Variants in ARHGAP32 observed in about 807,000 individuals in gnomAD.
ARHGAP32 encodes the protein Rho GTPase activating protein 32, also known as rho GTPase-activating protein 32.
In ARHGAP32, 51 loss-of-function variants were observed where a neutral mutation model predicts 186.5. The ratio of observed to expected loss-of-function variants is 0.27; its 90% CI spans 0.22 to 0.35. ARHGAP32 has a LOEUF of 0.35. Ranked by LOEUF, ARHGAP32 falls within the 10% of genes least tolerant of loss-of-function variation. ARHGAP32 has a pLI of 1.00. For missense variants in ARHGAP32, 2,186 were observed against 2,623.5 expected (o/e 0.83, Z 3.64); for synonymous variants, 950 against 964.3 (o/e 0.99, Z 0.27).
intron 10 of ARHGAP32, among the ~76,000 whole-genome samples, chr11:129,044,963 A>G (rs1315982282): frequency 6.6e-6 from 1 of 152,176 alleles, no homozygotes; most frequent in Non-Finnish European, 1.5e-5. Context: ...TCAGGGAACT[A>G]TATCACATAC....
intron 2 of ARHGAP32, among the ~76,000 whole-genome samples, chr11:129,163,304 T>A (rs1014915927): frequency 5.3e-5 from 8 of 152,156 alleles, no homozygotes; most frequent in African/African-American, 1.9e-4. Context: ...CACAGTTAAG[T>A]AAAATGTCCT....
At chr11:129,078,412 A>G (rs1174124528) in intron 6 of ARHGAP32, among the ~76,000 whole-genome samples, 1 of 152,190 alleles carries the variant, frequency 6.6e-6, no homozygotes, top group East Asian at 1.9e-4. Context: ...ACACCCCCAA[A>G]AGATCACGTC....
At position 128,971,135 on chromosome 11, in the gene ARHGAP32, C is replaced by G; in HGVS notation, c.4078G>C (p.Glu1360Gln). ...HKVQGVVPVPERPPEPRAMDD... is the reference protein window; with the variant it reads ...HKVQGVVPVPQRPPEPRAMDD... ...ATGGCTCGAGGTTCAGGTGGCCTCTCTGGAACTGGAACTACTCCTTGAACC... is the reference window on the plus strand; with the variant it reads ...ATGGCTCGAGGTTCAGGTGGCCTCTGTGGAACTGGAACTACTCCTTGAACC... Residue 1360 changes from glutamate to glutamine, a missense_variant, in exon 23 of 23, where the codon GAG becomes CAG. Physicochemically the swap from Glu to Gln is conservative, Grantham distance 29 (BLOSUM62 2). Around this residue, in one of 5 missense-constraint regions of ARHGAP32, gnomAD observed 1,502 missense variants for 1,570.0 expected, o/e 0.96. Transcript: ENST00000682385. The G allele has an allele frequency of 6.2e-7, 1 of 1,613,396 alleles. No individual in the cohort carries two copies. The highest frequency in any genetic ancestry group is 8.5e-7 in the Non-Finnish European group (1 of 1,179,408).
intron 1 of ARHGAP32, among the ~76,000 whole-genome samples, chr11:129,210,682 T>G (rs1341185023): frequency 1.3e-5 from 2 of 152,196 alleles, no homozygotes; most frequent in African/African-American, 2.4e-5. Context: ...GGTGGAGCTT[T>G]GAGTCTGACT....
At chr11:129,080,926 C>CAA (rs1032434483) in intron 6 of ARHGAP32, among the ~76,000 whole-genome samples, 23 of 151,912 alleles carry the variant, frequency 1.5e-4, no homozygotes, top group Admixed American at 8.5e-4. Context: ...GGAGCTATTA[C>CAA]AACTAAAACC....
intron 1 of ARHGAP32, among the ~76,000 whole-genome samples, chr11:129,274,021 A>G (rs1029665442): frequency 4.7e-5 from 7 of 150,036 alleles, no homozygotes; most frequent in Non-Finnish European, 8.9e-5. Flanking sequence ...CCGGAAGCAA[A>G]AAAAAAAAAA....
chr11:129,231,269 C>G lies in ARHGAP32; in HGVS notation c.-5+47877G>C, dbSNP rs189706981. Among the ~76,000 whole-genome samples the G allele has an allele frequency of 1.1e-3, 162 of 152,258 alleles. 1 individual carries two copies. Among genetic ancestry groups the G allele is most frequent in the African/African-American group, 3.8e-3 (158 of 41,560 alleles). Reference sequence around the variant, plus strand: ...AGACATCCTGCCCTATTTTTGACAGCTATTAAACATGTGGCTAATAATTTT... The same window carrying G: ...AGACATCCTGCCCTATTTTTGACAGGTATTAAACATGTGGCTAATAATTTT... On this transcript the variant is annotated intron_variant, in intron 1 of 6. Transcript: ENST00000525234.
rs746052870 is a variant in ARHGAP32, at chr11:128,969,879, C to T, written c.5334G>A (p.Lys1778=). ...ATTGGGACATGACAGGCCCTTTCACCTTCTGCCGAGCACGGCTCTCTCTCC... is the reference window on the plus strand; with the variant it reads ...ATTGGGACATGACAGGCCCTTTCACTTTCTGCCGAGCACGGCTCTCTCTCC... ...SIRRESRARQ[K]VKGPVMSQYD... The change falls in exon 23 of 23, where the codon AAG becomes AAA. Residue 1778 remains lysine, a synonymous_variant. Transcript: ENST00000682385. This position sits in a 1 kb window ranked among gnomAD's most constrained non-coding sequence, Gnocchi z 4.8. 3.7e-6 allele frequency: 6 copies of T among 1,614,098 alleles called. No homozygotes were observed. In the African/African-American group the frequency reaches 6.7e-5, roughly 18 times the overall value.
upstream of ARHGAP32, among the ~76,000 whole-genome samples, chr11:129,193,732 A>ATATATTATATATT (rs1491217015): frequency 9.5e-4 from 76 of 80,290 alleles, no homozygotes; most frequent in South Asian, 3.8e-3. Flanking sequence ...TATTATATAT[A>ATATATTATATATT]ATATATATTA....
At chr11:128,992,014 C>G (rs549187664) in intron 12 of ARHGAP32, among the ~76,000 whole-genome samples, 2 of 152,216 alleles carry the variant, frequency 1.3e-5, no homozygotes, top group East Asian at 1.9e-4. Context: ...GACGAAAAAG[C>G]TGAGTTCCAG....
In ARHGAP32 at chr11:129,209,508, G is replaced by C. The variant is rs1478987667; in HGVS notation, c.-4-45081C>G. Among the ~76,000 whole-genome samples, 6 of 152,060 alleles carry C rather than the reference G, an allele frequency of 3.9e-5. No homozygotes were observed. The South Asian group carries it at 1.2e-3, about 32-fold the overall frequency. On this transcript the variant is annotated intron_variant, in intron 1 of 6. Coordinates refer to the ARHGAP32 transcript ENST00000525234. ...ATAGACAGCACTAAGGATTTGTCTA[G>C]GCACCTGGAAGGGTACCTTTACTGC...
At chr11:129,015,631 C>T (rs1453407142) in intron 11 of ARHGAP32, among the ~76,000 whole-genome samples, 3 of 152,116 alleles carry the variant, frequency 2.0e-5, no homozygotes, top group Admixed American at 6.6e-5. Context: ...TGTATGTAGC[C>T]ATAAACAATA....
chr11:129,245,647 A>C (rs1338745476), intron 1 of ARHGAP32, among the ~76,000 whole-genome samples: 2 of 136,508 alleles, frequency 1.5e-5, no homozygotes, highest in Non-Finnish European at 3.1e-5. Context: ...CAGAATTATC[A>C]ACAGATTAAA....
intron 1 of ARHGAP32, among the ~76,000 whole-genome samples, chr11:129,188,815 A>G (rs1297066642): frequency 6.6e-6 from 1 of 152,232 alleles, no homozygotes; most frequent in Non-Finnish European, 1.5e-5. Flanking sequence ...CGATCTGGGC[A>G]TCTACAGATC....
rs142820524 is a variant in ARHGAP32, at chr11:129,243,493, T to C, written c.-5+35653A>G. ...TTTCTGAATAATAAGTGGAAAAAAA[T>C]AGTCTTCCCAGCTCCTATCTCTCCT... On this transcript the variant is annotated intron_variant, in intron 1 of 6. Transcript: ENST00000525234. 5.7e-4 allele frequency among the ~76,000 whole-genome samples: 86 copies of C among 152,116 alleles called. No individual in the cohort carries two copies. In the East Asian group the frequency reaches 0.012, roughly 22 times the overall value.
chr11:129,203,939 A>G (rs371297386), intron 1 of ARHGAP32, among the ~76,000 whole-genome samples: 13 of 148,070 alleles, frequency 8.8e-5, no homozygotes, highest in East Asian at 3.9e-4. Context: ...ATAATTATAT[A>G]TAATTTTATA....
At chr11:129,069,281 A>G (rs568333156) in intron 6 of ARHGAP32, among the ~76,000 whole-genome samples, 45 of 152,214 alleles carry the variant, frequency 3.0e-4, no homozygotes, top group African/African-American at 1.0e-3. Context: ...CAATGTCCCA[A>G]TTGTGAATCC....
intron 2 of ARHGAP32, among the ~76,000 whole-genome samples, chr11:129,128,982 T>C (rs1035775115): frequency 4.3e-4 from 65 of 152,314 alleles, no homozygotes; most frequent in Non-Finnish European, 1.0e-4. Flanking sequence ...GTGCCAAGAC[T>C]GCAGCCTCTG....
intron 19 of ARHGAP32, among the ~76,000 whole-genome samples, chr11:128,978,121 A>G (rs1169613823): frequency 6.6e-6 from 1 of 152,116 alleles, no homozygotes; most frequent in Non-Finnish European, 1.5e-5. Flanking sequence ...CTAATTTTCT[A>G]TCTGCAGAGC....
Sources: gnomAD v4.1 joint callset for allele counts (sites outside exome capture counted in the v4.1 genomes callset) on GRCh38, gnomAD v4.1.1 for gene constraint, gnomAD v4.1.1 regional missense constraint, Gnocchi (gnomAD v3.1) non-coding constraint, MANE v1.5 for transcripts, NCBI Gene and HGNC (gene_info 2026-07-23, HGNC 2026-07-21) for gene names.